FGF14: variants seen among roughly 807,000 people sequenced by gnomAD.
FGF14 encodes fibroblast growth factor homologous factor 4.
FGF14 carries 5 observed loss-of-function variants against 25.5 expected under a neutral mutation model. The ratio of observed to expected loss-of-function variants is 0.20; its 90% CI spans 0.10 to 0.41. The LOEUF (loss-of-function observed/expected upper bound fraction) is 0.41. Ranked by LOEUF, FGF14 falls within the 10% of genes least tolerant of loss-of-function variation. The pLI, the probability that FGF14 is intolerant of heterozygous loss-of-function variation, is 1.00. For synonymous variants in FGF14, 138 were observed against 118.3 expected, an observed-to-expected ratio of 1.17 and a Z score of -1.08; for missense variants, 222 against 320.1, an observed-to-expected ratio of 0.69 and a Z score of 2.34.
chr13:102,108,747 A>T (rs1179862273), intron 1 of FGF14, among the ~76,000 whole-genome samples: 1 of 152,316 alleles, frequency 6.6e-6, no homozygotes, highest in Middle Eastern at 3.4e-3. Flanking sequence ...GGCTAATTTA[A>T]TTTTACTATA....
chr13:101,772,639 AC>A (rs1459398383), intron 3 of FGF14, among the ~76,000 whole-genome samples: 1 of 152,124 alleles, frequency 6.6e-6, no homozygotes, highest in Non-Finnish European at 1.5e-5. Flanking sequence ...ACATATTGCA[AC>A]CCAAATAAGG....
intron 3 of FGF14, among the ~76,000 whole-genome samples, chr13:101,792,409 C>T (rs1482891042): frequency 6.6e-6 from 1 of 152,100 alleles, no homozygotes; most frequent in Non-Finnish European, 1.5e-5. Flanking sequence ...GGATACATGT[C>T]ACAACTCATC....
At chr13:102,111,877 A>G (rs2045246838) in intron 1 of FGF14, among the ~76,000 whole-genome samples, 1 of 152,046 alleles carries the variant, frequency 6.6e-6, no homozygotes. Flanking sequence ...CCAACTTTGT[A>G]GTTTATTGTC....
At chr13:101,984,793 T>C (rs1176066133) in intron 1 of FGF14, among the ~76,000 whole-genome samples, 1 of 152,120 alleles carries the variant, frequency 6.6e-6, no homozygotes, top group Non-Finnish European at 1.5e-5. Flanking sequence ...CATAAAATTT[T>C]AAGAAAAGTG....
intron 1 of FGF14, among the ~76,000 whole-genome samples, chr13:102,140,503 G>A (rs897096625): frequency 1.3e-5 from 2 of 152,144 alleles, no homozygotes; most frequent in African/African-American, 4.8e-5. Context: ...ATAAAAGGCT[G>A]AAAACTACCT....
intron 1 of FGF14, among the ~76,000 whole-genome samples, chr13:101,975,177 C>T (rs1014283162): frequency 1.3e-5 from 2 of 152,110 alleles, no homozygotes; most frequent in African/African-American, 2.4e-5. Context: ...GCCCAAACTC[C>T]AGCCTCCTGT....
At chr13:101,897,099 ATAT>A (rs1301478060) in intron 1 of FGF14, among the ~76,000 whole-genome samples, 3 of 152,182 alleles carry the variant, frequency 2.0e-5, no homozygotes, top group Non-Finnish European at 4.4e-5. Flanking sequence ...GCTAGGATAT[ATAT>A]TATTATGTGT....
intron 3 of FGF14, among the ~76,000 whole-genome samples, chr13:101,852,218 T>A (rs569143725): frequency 6.6e-6 from 1 of 152,072 alleles, no homozygotes; most frequent in South Asian, 2.1e-4. Context: ...CCGAAACACA[T>A]GAGTGTTCAA....
At chr13:101,851,391 C>A (rs1406914941) in intron 3 of FGF14, among the ~76,000 whole-genome samples, 1 of 151,990 alleles carries the variant, frequency 6.6e-6, no homozygotes, top group African/African-American at 2.4e-5. Flanking sequence ...GCTGACACCT[C>A]GATCTCGGGC....
intron 1 of FGF14, among the ~76,000 whole-genome samples, chr13:102,351,837 C>G (rs1368348891): frequency 6.6e-6 from 1 of 152,204 alleles, no homozygotes; most frequent in East Asian, 1.9e-4. Flanking sequence ...GTCTCTGAAG[C>G]CACATTCAGT....
At chr13:101,893,192 C>T (rs1329124832) in intron 1 of FGF14, among the ~76,000 whole-genome samples, 3 of 152,114 alleles carry the variant, frequency 2.0e-5, no homozygotes, top group Non-Finnish European at 4.4e-5. Context: ...CTATTGAAAG[C>T]CAGTCTCTGC....
intron 1 of FGF14, among the ~76,000 whole-genome samples, chr13:102,310,696 T>TG (rs1181823636): frequency 0.011 from 39 of 3,464 alleles, no homozygotes; most frequent in African/African-American, 0.032. Flanking sequence ...TGTGTGTGTG[T>TG]GGGGGGGGGG....
intron 1 of FGF14, among the ~76,000 whole-genome samples, chr13:102,166,831 A>G (rs902004975): frequency 6.6e-6 from 1 of 152,144 alleles, no homozygotes; most frequent in Non-Finnish European, 1.5e-5. Context: ...GTGACCGGAG[A>G]TTCACAAGAA....
chr13:101,926,365 T>C (rs1309611485), intron 1 of FGF14, among the ~76,000 whole-genome samples: 3 of 152,212 alleles, frequency 2.0e-5, no homozygotes, highest in African/African-American at 4.8e-5. Flanking sequence ...CGATTGAATC[T>C]CTAATGATTG....
At chr13:101,752,065 A>G (rs1031507985) in intron 3 of FGF14, among the ~76,000 whole-genome samples, 2 of 152,188 alleles carry the variant, frequency 1.3e-5, no homozygotes, top group African/African-American at 4.8e-5. Flanking sequence ...ATGTTGATTC[A>G]TTAAAATAAC....
chr13:102,307,909 C>A lies in FGF14; in HGVS notation c.208+93562G>T, dbSNP rs184417003. Among the ~76,000 whole-genome samples, 65 of 152,220 alleles carry A rather than the reference C, an allele frequency of 4.3e-4. 2 individuals are homozygous for A. The East Asian group carries it at 0.011, about 25-fold the overall frequency. On this transcript the variant is annotated intron_variant, in intron 1 of 4. Transcript: ENST00000376131. The stretch of plus-strand genomic sequence containing the variant: ...CAAGTACCTCCCATTCACTAGTGCA[C>A]TAATGCCCCAATAGCACCCCATTTT...
intron 1 of FGF14, among the ~76,000 whole-genome samples, chr13:102,140,263 C>T (rs562828013): frequency 6.6e-6 from 1 of 152,016 alleles, no homozygotes; most frequent in Middle Eastern, 3.2e-3. Context: ...AAAATGACTA[C>T]CCAATACAGT....
intron 1 of FGF14, among the ~76,000 whole-genome samples, chr13:102,071,906 C>T (rs548542774): frequency 1.2e-4 from 19 of 152,262 alleles, no homozygotes; most frequent in Non-Finnish European, 1.9e-4. Flanking sequence ...TACACTCTCA[C>T]GAACAGACTT....
At chr13:102,319,159 A>T (rs1224434270) in intron 1 of FGF14, among the ~76,000 whole-genome samples, 3 of 152,206 alleles carry the variant, frequency 2.0e-5, no homozygotes, top group Non-Finnish European at 4.4e-5. Flanking sequence ...TGTCATGTGT[A>T]CTTTTTAAAA....
Sources: allele counts gnomAD v4.1 joint callset (sites outside exome capture counted in the v4.1 genomes callset), GRCh38; gene constraint gnomAD v4.1.1; transcripts MANE v1.5; gene names NCBI Gene and HGNC (gene_info 2026-07-23, HGNC 2026-07-21).